Variants in CARMIL1 observed in about 807,000 individuals in gnomAD.
The protein encoded by CARMIL1 is F-actin-uncapping protein LRRC16A.
Under a neutral mutation model 177.1 loss-of-function variants are expected in CARMIL1, and 90 were observed. The observed-to-expected ratio is 0.51, with a 90% CI of 0.43 to 0.61. CARMIL1 has a LOEUF of 0.61. Among genes scored for constraint, CARMIL1 ranks in the 20% least tolerant of loss-of-function variants. The probability of loss-of-function intolerance (pLI) is 0.00; values close to 1 mark genes in which losing one functional copy is unlikely to be tolerated. For synonymous variants in CARMIL1, 577 were observed against 606.2 expected (o/e 0.95, Z 0.71); for missense variants, 1,380 against 1,667.0 (o/e 0.83, Z 3.00).
chr6:25,439,538 G>A (rs1335228451), intron 5 of CARMIL1, among the ~76,000 whole-genome samples: 1 of 150,878 alleles, frequency 6.6e-6, no homozygotes, highest in Non-Finnish European at 1.5e-5. Context: ...GAAAACCAGT[G>A]AAAAACCAGG....
intron 5 of CARMIL1, among the ~76,000 whole-genome samples, chr6:25,441,644 A>C (rs1457525573): frequency 1.3e-5 from 2 of 152,086 alleles, no homozygotes; most frequent in South Asian, 2.1e-4. Context: ...AAATCACCCC[A>C]ACTCAAATCA....
chr6:25,569,751 T>A (rs2151215107), intron 29 of CARMIL1, among the ~76,000 whole-genome samples: 1 of 152,350 alleles, frequency 6.6e-6, no homozygotes, highest in Non-Finnish European at 1.5e-5. Flanking sequence ...TGATGTCCAT[T>A]CTAGAGGAAA....
intron 31 of CARMIL1, among the ~76,000 whole-genome samples, chr6:25,584,922 C>T (rs1297068924): frequency 1.3e-5 from 2 of 152,194 alleles, no homozygotes; most frequent in Admixed American, 6.5e-5. Context: ...AGAGATTTCA[C>T]CTTTGTCCAC....
chr6:25,586,184 C>T (rs898087675), intron 31 of CARMIL1, among the ~76,000 whole-genome samples: 11 of 149,456 alleles, frequency 7.4e-5, no homozygotes, highest in African/African-American at 2.3e-4. Flanking sequence ...CAGAGACGCT[C>T]CTCACTTCCC....
intron 26 of CARMIL1, among the ~76,000 whole-genome samples, chr6:25,543,254 C>T (rs1022369019): frequency 2.0e-5 from 3 of 152,150 alleles, no homozygotes; most frequent in African/African-American, 4.8e-5. Context: ...CAGTCATAGA[C>T]ATTTTGAACA....
In CARMIL1 at chr6:25,515,848, G is replaced by T; in HGVS notation, c.1805+1G>T. On this transcript the variant is annotated splice_donor_variant, in intron 21 of 36. Transcript: ENST00000329474. LOFTEE classifies it high-confidence loss of function. The surrounding 1 kb of genome is among the most constrained non-coding windows in gnomAD (Gnocchi z 5.0). ...CACTGCAGATCAACACTAAGCTCAG[G>T]TAGGCAGATCCCACCCTCCCTGCTC... 6.3e-7 allele frequency: 1 copy of T among 1,597,378 alleles called. No individual in the cohort carries two copies. Among genetic ancestry groups the T allele is most frequent in the Non-Finnish European group, 8.5e-7 (1 of 1,172,120 alleles).
intron 2 of CARMIL1, among the ~76,000 whole-genome samples, chr6:25,338,864 C>A (rs1786572585): frequency 6.6e-6 from 1 of 152,078 alleles, no homozygotes; most frequent in African/African-American, 2.4e-5. Flanking sequence ...ATGAAAAGAA[C>A]CAGCACATAA....
intron 2 of CARMIL1, among the ~76,000 whole-genome samples, chr6:25,414,098 T>G (rs1006939166): frequency 1.3e-5 from 2 of 152,198 alleles, no homozygotes; most frequent in African/African-American, 4.8e-5. Flanking sequence ...TCTTATTTAA[T>G]CCACACAACA....
In CARMIL1 at chr6:25,495,096, T is replaced by C. The variant is rs1265604403; in HGVS notation, c.1221-15T>C. 6.6e-7 allele frequency: 1 copy of C among 1,518,374 alleles called. No homozygotes were observed. The highest frequency in any genetic ancestry group is 2.3e-5 in the East Asian group (1 of 44,358). 94.1% of individuals were successfully genotyped at this position (1,518,374 alleles called of 1,614,324 possible). ...GAAGGTGTAACCGCTTGTGTAACTC[T>C]TGTGTTTTTTTCAGGAAAGGAAAAG... On this transcript the variant is annotated splice_polypyrimidine_tract_variant and intron_variant, in intron 15 of 36. Transcript: ENST00000329474.
rs546119648 is a variant in CARMIL1, at chr6:25,476,392, AG to A, written c.874+3872del. On this transcript the variant is annotated intron_variant, in intron 11 of 36. Transcript: ENST00000329474. ...TTTGACATCCTGGAAATATTTTCGC[AG>A]ACCAAGACTTTTCTCATTTCTGCCT... is the stretch of plus-strand genomic sequence containing the variant. 1.0e-3 allele frequency among the ~76,000 whole-genome samples: 158 copies of A among 152,332 alleles called. 1 individual carries two copies. Among genetic ancestry groups the A allele is most frequent in the Non-Finnish European group, 2.0e-3 (133 of 68,028 alleles).
At chr6:25,321,678 T>A (rs1235399647) in intron 2 of CARMIL1, among the ~76,000 whole-genome samples, 1 of 152,106 alleles carries the variant, frequency 6.6e-6, no homozygotes, top group Non-Finnish European at 1.5e-5. Context: ...TTTTTTTTTT[T>A]TAGCTGAAGT....
chr6:25,471,355 G>A, intron 10 of CARMIL1, 98 bp downstream of exon 10: 6 of 725,916 alleles, frequency 8.3e-6, no homozygotes, highest in African/African-American at 1.8e-5. Context: ...TAATTGGGCT[G>A]ATCACATATA....
At chr6:25,357,306 A>G (rs1788727862) in intron 2 of CARMIL1, among the ~76,000 whole-genome samples, 2 of 152,192 alleles carry the variant, frequency 1.3e-5, no homozygotes, top group Admixed American at 1.3e-4. Context: ...GTTGAAAAGT[A>G]CATAGATGCT....
At chr6:25,475,936 C>A (rs1351707251) in intron 11 of CARMIL1, among the ~76,000 whole-genome samples, 2 of 152,210 alleles carry the variant, frequency 1.3e-5, no homozygotes, top group African/African-American at 4.8e-5. Flanking sequence ...GTGGACATTT[C>A]TTCCCTCATG....
intron 24 of CARMIL1, among the ~76,000 whole-genome samples, chr6:25,529,729 T>G (rs1332222697): frequency 2.9e-5 from 1 of 34,612 alleles, no homozygotes; most frequent in Non-Finnish European, 5.3e-5. Context: ...CAGTCCGGCC[T>G]GGGCGACAGA....
At chr6:25,495,884 G>A (rs1803652955) in intron 16 of CARMIL1, among the ~76,000 whole-genome samples, 1 of 152,106 alleles carries the variant, frequency 6.6e-6, no homozygotes, top group African/African-American at 2.4e-5. Context: ...TGACTGTAGG[G>A]TCAAATTCTC....
intron 15 of CARMIL1, among the ~76,000 whole-genome samples, chr6:25,493,542 A>G (rs1803426138): frequency 1.3e-5 from 2 of 152,206 alleles, no homozygotes; most frequent in African/African-American, 4.8e-5. Context: ...CCTTCACTCC[A>G]GGAGGCAGAG....
intron 2 of CARMIL1, among the ~76,000 whole-genome samples, chr6:25,293,459 C>T (rs1229358729): frequency 6.6e-6 from 1 of 151,986 alleles, no homozygotes; most frequent in African/African-American, 2.4e-5. Flanking sequence ...AAACACAGCT[C>T]ACCGCAGCCT....
Position 25,537,852 on chromosome 6 carries a change from C to T in CARMIL1, c.2068-3C>T, listed in dbSNP as rs757374823. The T allele has an allele frequency of 6.2e-6, 10 of 1,610,508 alleles. No homozygotes were observed. The highest frequency in any genetic ancestry group is 7.6e-6 in the Non-Finnish European group (9 of 1,178,648). Reference sequence around the variant, plus strand: ...ATGCTTGCCTTTTTCTGGTTTGGAGCAGATGATTGACAGAATATGTGTGAA... The same window carrying T: ...ATGCTTGCCTTTTTCTGGTTTGGAGTAGATGATTGACAGAATATGTGTGAA... On this transcript the variant is annotated splice_region_variant and splice_polypyrimidine_tract_variant and intron_variant, in intron 24 of 36. Transcript: ENST00000329474.
Sources: allele counts gnomAD v4.1 joint callset (sites outside exome capture counted in the v4.1 genomes callset), GRCh38; gene constraint gnomAD v4.1.1; non-coding constraint Gnocchi (gnomAD v3.1); transcripts MANE v1.5; gene names NCBI Gene and HGNC (gene_info 2026-07-23, HGNC 2026-07-21).